CX3CR1: variants seen among roughly 807,000 people sequenced by gnomAD.
CX3CR1 encodes the protein C-X3-C motif chemokine receptor 1.
For missense variants in CX3CR1, 363 were observed against 432.4 expected, an observed-to-expected ratio of 0.84 and a Z score of 1.42; for synonymous variants, 168 against 178.5, an observed-to-expected ratio of 0.94 and a Z score of 0.47.
At chr3:39,266,555 A>G (rs1185203485) in intron 1 of CX3CR1, 37 bp from the exon 2 acceptor site, 1 of 1,603,950 alleles carries the variant, frequency 6.2e-7, no homozygotes, top group Non-Finnish European at 8.5e-7. Context: ...TGTGTTAGTT[A>G]TCAGAGAAAC....
At chr3:39,284,364 G>A (rs768174014), upstream of CX3CR1, among the ~76,000 whole-genome samples, 4 of 152,100 alleles carry the variant, frequency 2.6e-5, no homozygotes, top group African/African-American at 7.2e-5. Context: ...GTTTCACCAC[G>A]TTGGCCAGGC....
At chr3:39,282,642 G>A (rs2040913890), upstream of CX3CR1, among the ~76,000 whole-genome samples, 1 of 152,154 alleles carries the variant, frequency 6.6e-6, no homozygotes, top group Non-Finnish European at 1.5e-5. Flanking sequence ...GGCAAGGACT[G>A]GAGACTTGGT....
At chr3:39,290,201 C>A in the CX3CR1 span, among the ~76,000 whole-genome samples, 1 of 152,262 alleles carries the variant, frequency 6.6e-6, no homozygotes, top group African/African-American at 2.4e-5. Context: ...ATTCAGGAAG[C>A]AGGGGCAGTT....
upstream of CX3CR1, among the ~76,000 whole-genome samples, chr3:39,283,802 TATATATATATATATATATA>T (rs2040926327): frequency 2.8e-5 from 1 of 35,878 alleles, no homozygotes; most frequent in African/African-American, 1.3e-4. Context: ...AAATTATATA[TATATATATATATATATATA>T]TATATATATA....
chr3:39,276,404 G>T (rs2040841504), intron 1 of CX3CR1, among the ~76,000 whole-genome samples: 1 of 152,226 alleles, frequency 6.6e-6, no homozygotes, highest in South Asian at 2.1e-4. Context: ...GGTTATAGCA[G>T]ATAGCAGTGC....
At chr3:39,272,178 C>A (rs970210759) in intron 1 of CX3CR1, among the ~76,000 whole-genome samples, 1 of 152,244 alleles carries the variant, frequency 6.6e-6, no homozygotes, top group Non-Finnish European at 1.5e-5. Context: ...ACTAAGGCTG[C>A]ACTTTACAAC....
At position 39,275,166 on chromosome 3, in the gene CX3CR1, A is replaced by G. The variant is rs533165190; in HGVS notation, c.-10+4788T>C. Among the ~76,000 whole-genome samples, 206 of 152,282 alleles carry G rather than the reference A, an allele frequency of 1.4e-3. 2 individuals are homozygous for G. In the South Asian group the frequency reaches 0.042, roughly 31 times the overall value. On this transcript the variant is annotated intron_variant, in intron 1 of 1. Coordinates refer to ENST00000399220, the MANE Select transcript of CX3CR1 (RefSeq NM_001337.4). ...TGTGAGCCACCGTGCCCACCTAGAA[A>G]ACTTTTACATACTTTCTCCTCTCTT...
At chr3:39,268,341 C>T (rs558104834) in intron 1 of CX3CR1, among the ~76,000 whole-genome samples, 15 of 152,334 alleles carry the variant, frequency 9.8e-5, no homozygotes, top group African/African-American at 3.6e-4. Context: ...TAATTAATAA[C>T]ATTTAAGTCA....
intron 1 of CX3CR1, among the ~76,000 whole-genome samples, chr3:39,268,791 G>A (rs1383362934): frequency 6.6e-6 from 1 of 152,220 alleles, no homozygotes; most frequent in African/African-American, 2.4e-5. Context: ...GTAAGATCGG[G>A]ATTCATTCTC....
chr3:39,290,878 G>A, the CX3CR1 span, among the ~76,000 whole-genome samples: 13 of 151,866 alleles, frequency 8.6e-5, 1 homozygote, highest in African/African-American at 2.4e-4. Flanking sequence ...CTGAGATCGC[G>A]CCATTGCACT....
upstream of CX3CR1, among the ~76,000 whole-genome samples, chr3:39,284,665 T>C (rs892089244): frequency 2.0e-5 from 3 of 152,236 alleles, no homozygotes; most frequent in African/African-American, 7.2e-5. Flanking sequence ...AGGCACATTG[T>C]CCATTATATC....
At chr3:39,274,011 C>A (rs774686903) in intron 1 of CX3CR1, among the ~76,000 whole-genome samples, 4 of 152,192 alleles carry the variant, frequency 2.6e-5, no homozygotes, top group Non-Finnish European at 5.9e-5. Flanking sequence ...TGCCCAGCAG[C>A]CTGCCCAGGG....
upstream of CX3CR1, chr3:39,281,418 C>A (rs2040897918): frequency 1.1e-5 from 8 of 730,606 alleles, no homozygotes; most frequent in South Asian, 1.5e-4. Flanking sequence ...CTTCTGAGGG[C>A]TCCTTTCTTG....
At chr3:39,279,511 T>C (rs909276755) in intron 1 of CX3CR1, among the ~76,000 whole-genome samples, 1 of 152,224 alleles carries the variant, frequency 6.6e-6, no homozygotes, top group African/African-American at 2.4e-5. Flanking sequence ...CAATATTTCC[T>C]CTATTTCCCA....
At chr3:39,281,749 C>T, upstream of CX3CR1, 4 of 1,367,960 alleles carry the variant, frequency 2.9e-6, no homozygotes, top group Non-Finnish European at 4.1e-6. Flanking sequence ...TCACTTCCTA[C>T]TGTGCTCTCA....
At position 39,280,019 on chromosome 3, in the gene CX3CR1, A is replaced by C; in HGVS notation, c.-75T>G. On this transcript the variant is annotated 5_prime_UTR_variant, in exon 1 of 2. Transcript: ENST00000399220. ...AGCCACCCTGTCCTGCTCAGACTTT[A>C]CCAGAGACGAGTATTTCCCTTTCCT... 1.0e-6 allele frequency: 1 copy of C among 985,514 alleles called. No individual in the cohort carries two copies. The highest frequency in any genetic ancestry group is 1.2e-6 in the Non-Finnish European group (1 of 830,004). 61.0% of individuals were successfully genotyped at this position (985,514 alleles called of 1,614,324 possible).
rs1281070110 is a variant in CX3CR1, at chr3:39,264,866, T to A, written c.*576A>T. On this transcript the variant is annotated 3_prime_UTR_variant, in exon 2 of 2. Transcript: ENST00000399220. ...GGACTGGAAGCTTCCATCTTATATA[T>A]CCCTTCCCCATGGATAACAGCACCT... The A allele has an allele frequency of 6.6e-6, 1 of 152,548 alleles. No individual in the cohort carries two copies. The highest frequency in any genetic ancestry group is 1.5e-5 in the Non-Finnish European group (1 of 68,318). The allele number at this position is 152,548 out of a possible 1,614,324, so 9.4% of individuals were successfully genotyped here.
chr3:39,285,713 A>G (rs2040938603), upstream of CX3CR1, among the ~76,000 whole-genome samples: 1 of 152,240 alleles, frequency 6.6e-6, no homozygotes, highest in South Asian at 2.1e-4. Context: ...CTCTCTCACC[A>G]AATATGGCAT....
In CX3CR1 at chr3:39,266,306, A is replaced by C; in HGVS notation, c.204T>G (p.Ile68Met). The change falls in exon 2 of 2, where the codon ATT becomes ATG. Residue 68 changes from isoleucine (I) to methionine (M), a missense_variant. Ile to Met is a conservative substitution (Grantham distance 10, BLOSUM62 1). Transcript: ENST00000399220. ...NSKKPKSVTD[I>M]YLLNLALSDL... ...CAGACAAGGCCAGGTTCAGGAGGTA[A>C]ATGTCGGTGACACTCTTGGGCTTCT... is the stretch of plus-strand genomic sequence containing the variant. 6.2e-7 allele frequency: 1 copy of C among 1,614,206 alleles called. No homozygotes were observed. The highest frequency in any genetic ancestry group is 8.5e-7 in the Non-Finnish European group (1 of 1,180,034).
Sources: allele counts gnomAD v4.1 joint callset (sites outside exome capture counted in the v4.1 genomes callset), GRCh38; gene constraint gnomAD v4.1.1; transcripts MANE v1.5; gene names NCBI Gene and HGNC (gene_info 2026-07-23, HGNC 2026-07-21).